Variants in ERBB4 observed in about 807,000 individuals in gnomAD.
ERBB4 encodes erb-b2 receptor tyrosine kinase 4.
ERBB4 carries 42 observed loss-of-function variants against 158.0 expected under a neutral mutation model. The ratio of observed to expected loss-of-function variants is 0.27; its 90% CI spans 0.21 to 0.34. The LOEUF (loss-of-function observed/expected upper bound fraction) is 0.34, where lower values mean the gene tolerates loss of function less well. Ranked by LOEUF, ERBB4 falls within the 10% of genes least tolerant of loss-of-function variation. ERBB4 has a pLI of 1.00. For synonymous variants in ERBB4, 583 were observed against 558.7 expected, an observed-to-expected ratio of 1.04 and a Z score of -0.61; for missense variants, 1,333 against 1,624.1, an observed-to-expected ratio of 0.82 and a Z score of 3.08.
intron 3 of ERBB4, among the ~76,000 whole-genome samples, chr2:211,882,933 T>C (rs2078701251): frequency 6.6e-6 from 1 of 152,340 alleles, no homozygotes; most frequent in East Asian, 1.9e-4. Flanking sequence ...TCAGACACTT[T>C]CTACCTTCTC....
chr2:212,326,589 G>C (rs2087847021), intron 1 of ERBB4, among the ~76,000 whole-genome samples: 1 of 150,658 alleles, frequency 6.6e-6, no homozygotes, highest in African/African-American at 2.4e-5. Context: ...ACAGTGATGG[G>C]TATGTTTTTT....
At chr2:211,780,672 A>G (rs2076012135) in intron 4 of ERBB4, among the ~76,000 whole-genome samples, 1 of 152,210 alleles carries the variant, frequency 6.6e-6, no homozygotes, top group African/African-American at 2.4e-5. Context: ...ATCTTAGTGC[A>G]TTCTTTTTTA....
intron 2 of ERBB4, among the ~76,000 whole-genome samples, chr2:212,050,233 G>A (rs1048758916): frequency 3.1e-4 from 47 of 151,954 alleles, no homozygotes; most frequent in African/African-American, 8.7e-4. Context: ...TCAGGTAATC[G>A]TATCAGAAAA....
chr2:212,168,335 A>G (rs1381942298), intron 1 of ERBB4, among the ~76,000 whole-genome samples: 4 of 152,154 alleles, frequency 2.6e-5, no homozygotes, highest in Admixed American at 2.0e-4. Flanking sequence ...AGTGTGTTCT[A>G]TGAAATGAAT....
chr2:212,165,139 A>T (rs1254822368), intron 1 of ERBB4, among the ~76,000 whole-genome samples: 1 of 151,914 alleles, frequency 6.6e-6, no homozygotes, highest in African/African-American at 2.4e-5. Flanking sequence ...TTCCTATTTC[A>T]TTCCTAATAA....
intron 3 of ERBB4, among the ~76,000 whole-genome samples, chr2:211,848,551 G>A (rs118143505): frequency 7.9e-5 from 12 of 152,110 alleles, no homozygotes; most frequent in East Asian, 5.8e-4. Flanking sequence ...ATCTATTAAT[G>A]TGTATCCTCA....
At chr2:211,788,690 G>A (rs2076221205) in intron 3 of ERBB4, among the ~76,000 whole-genome samples, 1 of 152,036 alleles carries the variant, frequency 6.6e-6, no homozygotes, top group African/African-American at 2.4e-5. Context: ...ATAGAGTGTG[G>A]ATAGTTTTAA....
intron 9 of ERBB4, among the ~76,000 whole-genome samples, chr2:211,705,764 G>A (rs2073415316): frequency 6.6e-6 from 1 of 152,176 alleles, no homozygotes; most frequent in African/African-American, 2.4e-5. Context: ...ATATTATAGT[G>A]AGAACAACTG....
chr2:211,613,810 A>G (rs2069286805), intron 19 of ERBB4, among the ~76,000 whole-genome samples: 1 of 152,036 alleles, frequency 6.6e-6, no homozygotes, highest in African/African-American at 2.4e-5. Context: ...ACCCTCATAC[A>G]CTGTTGGTGC....
intron 4 of ERBB4, among the ~76,000 whole-genome samples, chr2:211,755,647 T>C (rs1025105978): frequency 1.3e-5 from 2 of 152,262 alleles, no homozygotes; most frequent in African/African-American, 4.8e-5. Context: ...TAAGTTCATC[T>C]TTTATGCTTG....
intron 1 of ERBB4, among the ~76,000 whole-genome samples, chr2:212,295,347 T>C (rs767162651): frequency 4.6e-5 from 7 of 152,070 alleles, no homozygotes; most frequent in Non-Finnish European, 8.8e-5. Context: ...GACATATATG[T>C]TGATCACACA....
intron 12 of ERBB4, among the ~76,000 whole-genome samples, chr2:211,683,830 T>C (rs1182701261): frequency 6.6e-6 from 1 of 152,040 alleles, no homozygotes; most frequent in Non-Finnish European, 1.5e-5. Flanking sequence ...CATTATTACA[T>C]TTCTCTGCAT....
At chr2:211,965,981 G>T (rs1200558126) in intron 2 of ERBB4, among the ~76,000 whole-genome samples, 1 of 152,186 alleles carries the variant, frequency 6.6e-6, no homozygotes, top group Non-Finnish European at 1.5e-5. Flanking sequence ...GGAGGCCAGG[G>T]CAGGAGGCTT....
intron 19 of ERBB4, among the ~76,000 whole-genome samples, chr2:211,590,142 C>G (rs959937016): frequency 6.6e-6 from 1 of 152,122 alleles, no homozygotes; most frequent in East Asian, 1.9e-4. Flanking sequence ...AGGGATGAAA[C>G]GCCTTTGCAA....
chr2:212,225,765 T>C (rs1178809521), intron 1 of ERBB4, among the ~76,000 whole-genome samples: 1 of 152,086 alleles, frequency 6.6e-6, no homozygotes, highest in African/African-American at 2.4e-5. Flanking sequence ...CACTGCTTCC[T>C]TCTTTCTTTC....
intron 4 of ERBB4, among the ~76,000 whole-genome samples, chr2:211,786,040 T>C (rs2076156194): frequency 6.6e-6 from 1 of 152,148 alleles, no homozygotes; most frequent in Non-Finnish European, 1.5e-5. Flanking sequence ...ACAGATGAAG[T>C]CTTGAACTAG....
intron 1 of ERBB4, among the ~76,000 whole-genome samples, chr2:212,287,778 G>A (rs1006123619): frequency 1.3e-5 from 2 of 152,188 alleles, no homozygotes; most frequent in African/African-American, 4.8e-5. Context: ...CATGGATGGA[G>A]TTGGAAGCCA....
chr2:212,039,651 G>C (rs933460850), intron 2 of ERBB4, among the ~76,000 whole-genome samples: 3 of 152,116 alleles, frequency 2.0e-5, no homozygotes, highest in Non-Finnish European at 2.9e-5. Context: ...GCCAGCTTCT[G>C]TGATAACCAT....
intron 20 of ERBB4, among the ~76,000 whole-genome samples, chr2:211,548,609 A>T (rs891285948): frequency 1.3e-5 from 2 of 152,052 alleles, no homozygotes; most frequent in Admixed American, 6.6e-5. Flanking sequence ...CTGAACTGGG[A>T]TATCAGGGTG....
Sources: gnomAD v4.1 joint callset for allele counts (sites outside exome capture counted in the v4.1 genomes callset) on GRCh38, gnomAD v4.1.1 for gene constraint, MANE v1.5 for transcripts, NCBI Gene and HGNC (gene_info 2026-07-23, HGNC 2026-07-21) for gene names.